CNTNAP2: variants seen among roughly 807,000 people sequenced by gnomAD.
CNTNAP2 encodes contactin-associated protein-like 2.
CNTNAP2 carries 98 observed loss-of-function variants against 155.2 expected under a neutral mutation model. The observed-to-expected ratio is 0.63, with a 90% CI of 0.54 to 0.75. CNTNAP2 has a LOEUF of 0.75. Ranked by LOEUF, CNTNAP2 falls within the 30% of genes least tolerant of loss-of-function variation. The pLI is 0.00. For synonymous variants in CNTNAP2, 651 were observed against 631.2 expected, an observed-to-expected ratio of 1.03 and a Z score of -0.47; for missense variants, 1,727 against 1,688.1, an observed-to-expected ratio of 1.02 and a Z score of -0.40.
At chr7:147,366,985 T>G (rs768056916) in intron 9 of CNTNAP2, among the ~76,000 whole-genome samples, 2 of 152,198 alleles carry the variant, frequency 1.3e-5, no homozygotes, top group Non-Finnish European at 2.9e-5. Flanking sequence ...TTTATATATC[T>G]TTAGATCTCA....
chr7:146,779,766 C>T (rs1375034375), intron 2 of CNTNAP2, among the ~76,000 whole-genome samples: 1 of 152,190 alleles, frequency 6.6e-6, no homozygotes, highest in Non-Finnish European at 1.5e-5. Flanking sequence ...CTCTATCACA[C>T]CAGAGGGCAG....
At chr7:147,688,159 T>C (rs575877038) in intron 13 of CNTNAP2, among the ~76,000 whole-genome samples, 7 of 152,122 alleles carry the variant, frequency 4.6e-5, no homozygotes, top group African/African-American at 1.7e-4. Context: ...TTAAAAAATA[T>C]ATCTTCTTAC....
At chr7:146,709,846 C>T (rs1413827286) in intron 1 of CNTNAP2, among the ~76,000 whole-genome samples, 1 of 152,156 alleles carries the variant, frequency 6.6e-6, no homozygotes, top group Non-Finnish European at 1.5e-5. Context: ...ACAAGTTTTG[C>T]ATGCCCATGC....
intron 11 of CNTNAP2, among the ~76,000 whole-genome samples, chr7:147,559,695 T>C (rs1239577486): frequency 1.3e-5 from 2 of 152,162 alleles, no homozygotes; most frequent in South Asian, 2.1e-4. Context: ...AATTTGAACC[T>C]GACATCCTGG....
At chr7:146,201,333 A>T (rs1206831990) in intron 1 of CNTNAP2, among the ~76,000 whole-genome samples, 1 of 149,188 alleles carries the variant, frequency 6.7e-6, no homozygotes, top group Non-Finnish European at 1.5e-5. Context: ...TTGAGTAATT[A>T]TATGAAACAG....
At chr7:147,221,247 TA>T (rs1803393290) in intron 8 of CNTNAP2, among the ~76,000 whole-genome samples, 2 of 152,238 alleles carry the variant, frequency 1.3e-5, no homozygotes, top group African/African-American at 4.8e-5. Context: ...TAAGTATACA[TA>T]ATTAAATACA....
At chr7:146,946,460 C>A (rs1797175875) in intron 3 of CNTNAP2, among the ~76,000 whole-genome samples, 1 of 151,914 alleles carries the variant, frequency 6.6e-6, no homozygotes, top group South Asian at 2.1e-4. Context: ...ATCTTCATTT[C>A]AAATAAAGTA....
Position 146,441,285 on chromosome 7 carries a change from G to A in CNTNAP2, c.97+324312G>A, listed in dbSNP as rs143390801. 1.9e-3 allele frequency among the ~76,000 whole-genome samples: 281 copies of A among 151,616 alleles called. 14 individuals are homozygous for A. Among genetic ancestry groups the A allele is most frequent in the African/African-American group, 6.8e-3 (277 of 40,932 alleles). ...TCTTTCTTAAGCCCTATTCTTCTGGGTTGGCAAAATAAAATTTTTTGGGGG... is the reference window on the plus strand; with the variant it reads ...TCTTTCTTAAGCCCTATTCTTCTGGATTGGCAAAATAAAATTTTTTGGGGG... On this transcript the variant is annotated intron_variant, in intron 1 of 23. Transcript: ENST00000361727.
chr7:148,019,564 C>T (rs1368363794), intron 15 of CNTNAP2, among the ~76,000 whole-genome samples: 2 of 151,984 alleles, frequency 1.3e-5, no homozygotes, highest in Admixed American at 1.3e-4. Context: ...CCAAGAGATT[C>T]TTGTGCCTCG....
intron 5 of CNTNAP2, among the ~76,000 whole-genome samples, chr7:147,114,102 C>T (rs113767203): frequency 1.3e-5 from 2 of 152,210 alleles, no homozygotes; most frequent in Non-Finnish European, 2.9e-5. Flanking sequence ...AGGTTGTTCA[C>T]TTTCCATGTA....
intron 8 of CNTNAP2, among the ~76,000 whole-genome samples, chr7:147,231,585 T>A (rs150280222): frequency 6.6e-5 from 10 of 152,344 alleles, no homozygotes; most frequent in Middle Eastern, 3.4e-3. Context: ...TTTACACCCT[T>A]GCCAACATTT....
intron 11 of CNTNAP2, among the ~76,000 whole-genome samples, chr7:147,490,685 A>C (rs907991696): frequency 5.3e-5 from 8 of 152,196 alleles, no homozygotes; most frequent in Non-Finnish European, 1.2e-4. Flanking sequence ...TTGCTACAAA[A>C]ACAAGCAGCA....
intron 12 of CNTNAP2, among the ~76,000 whole-genome samples, chr7:147,612,370 A>G (rs1801203627): frequency 6.6e-6 from 1 of 151,776 alleles, no homozygotes; most frequent in Non-Finnish European, 1.5e-5. Flanking sequence ...ATAATTTCAA[A>G]TATAAAATTA....
chr7:147,536,704 C>T (rs1306630541), intron 11 of CNTNAP2, among the ~76,000 whole-genome samples: 3 of 152,154 alleles, frequency 2.0e-5, no homozygotes, highest in Non-Finnish European at 4.4e-5. Flanking sequence ...TGCTAACACG[C>T]AGCGTTCTCT....
At chr7:146,563,126 T>G (rs545006428) in intron 1 of CNTNAP2, among the ~76,000 whole-genome samples, 2 of 152,272 alleles carry the variant, frequency 1.3e-5, no homozygotes, top group South Asian at 4.1e-4. Flanking sequence ...ACTGATTAAC[T>G]TTGCAGTTAA....
chr7:146,269,870 A>C (rs1006570019), intron 1 of CNTNAP2, among the ~76,000 whole-genome samples: 6 of 152,240 alleles, frequency 3.9e-5, no homozygotes, highest in African/African-American at 1.4e-4. Flanking sequence ...CAACCATGAC[A>C]GCAGACCTTT....
chr7:146,241,149 G>T (rs1004028590), intron 1 of CNTNAP2, among the ~76,000 whole-genome samples: 5 of 152,054 alleles, frequency 3.3e-5, no homozygotes, highest in Admixed American at 6.6e-5. Flanking sequence ...CTCCCATCAG[G>T]CCCCACCTCC....
rs941286612 is a variant in CNTNAP2, at chr7:146,835,290, A to G, written c.209-4421A>G. ...AGAGGAAATAGTCTAAGTTTCACCAATCAATCAGACATTTTCTCACCTGTT... is the reference window on the plus strand; with the variant it reads ...AGAGGAAATAGTCTAAGTTTCACCAGTCAATCAGACATTTTCTCACCTGTT... On this transcript the variant is annotated intron_variant, in intron 2 of 23. Coordinates refer to ENST00000361727, the MANE Select transcript of CNTNAP2 (RefSeq NM_014141.6). Among the ~76,000 whole-genome samples, 4 of 152,110 alleles carry G rather than the reference A, an allele frequency of 2.6e-5. No homozygotes were observed. The East Asian group carries it at 5.8e-4, about 22-fold the overall frequency.
intron 3 of CNTNAP2, among the ~76,000 whole-genome samples, chr7:146,973,228 A>G (rs1797838705): frequency 6.6e-6 from 1 of 152,144 alleles, no homozygotes; most frequent in South Asian, 2.1e-4. Context: ...GGGTTTCACC[A>G]TGTTGACCAG....
Sources: allele counts gnomAD v4.1 joint callset (sites outside exome capture counted in the v4.1 genomes callset), GRCh38; gene constraint gnomAD v4.1.1; transcripts MANE v1.5; gene names NCBI Gene and HGNC (gene_info 2026-07-23, HGNC 2026-07-21).